Variants in SCHIP1 observed in about 807,000 individuals in gnomAD.
SCHIP1 encodes schwannomin interacting protein 1.
In SCHIP1, 8 loss-of-function variants were observed where a neutral mutation model predicts 29.7. That is an observed-to-expected ratio of 0.27 (90% CI 0.16 to 0.49). The LOEUF is 0.49. Ranked by LOEUF, SCHIP1 falls within the 20% of genes least tolerant of loss-of-function variation. The probability of loss-of-function intolerance (pLI) is 0.99; values close to 1 mark genes in which losing one functional copy is unlikely to be tolerated. For synonymous variants in SCHIP1, 76 were observed against 94.9 expected, an observed-to-expected ratio of 0.80 and a Z score of 1.16; for missense variants, 193 against 294.6, an observed-to-expected ratio of 0.66 and a Z score of 2.52.
At chr3:159,841,180 A>G (rs1224275262) in intron 1 of SCHIP1, among the ~76,000 whole-genome samples, 1 of 152,214 alleles carries the variant, frequency 6.6e-6, no homozygotes, top group Non-Finnish European at 1.5e-5. Context: ...AGATTTCACA[A>G]TGGTAAATAT....
the SCHIP1 span, among the ~76,000 whole-genome samples, chr3:159,287,646 T>C: frequency 6.6e-6 from 1 of 152,196 alleles, no homozygotes; most frequent in Non-Finnish European, 1.5e-5. Context: ...ATTTTACATA[T>C]GCTAACTCCT....
chr3:159,748,348 A>T, the SCHIP1 span, among the ~76,000 whole-genome samples: 3 of 152,254 alleles, frequency 2.0e-5, no homozygotes, highest in South Asian at 6.2e-4. Context: ...TTTATATTTC[A>T]TTGATAGTAC....
chr3:159,454,031 C>G, the SCHIP1 span, among the ~76,000 whole-genome samples: 1 of 152,224 alleles, frequency 6.6e-6, no homozygotes, highest in Non-Finnish European at 1.5e-5. Flanking sequence ...AGGTCTTTAT[C>G]TGCAGCCTGC....
chr3:159,801,835 A>C, the SCHIP1 span, among the ~76,000 whole-genome samples: 1 of 152,098 alleles, frequency 6.6e-6, no homozygotes, highest in Non-Finnish European at 1.5e-5. Context: ...GGTAGGAAAA[A>C]AACTCAGATT....
At chr3:159,348,169 A>T in the SCHIP1 span, among the ~76,000 whole-genome samples, 6 of 152,256 alleles carry the variant, frequency 3.9e-5, no homozygotes, top group South Asian at 1.2e-3. Context: ...TCCTCTTGTA[A>T]CTCAAACTTA....
the SCHIP1 span, among the ~76,000 whole-genome samples, chr3:159,550,356 T>C: frequency 6.6e-6 from 1 of 152,064 alleles, no homozygotes; most frequent in Non-Finnish European, 1.5e-5. Flanking sequence ...AAAATGCCTT[T>C]CTCCTTTTAG....
chr3:159,499,885 C>T, the SCHIP1 span, among the ~76,000 whole-genome samples: 1 of 152,172 alleles, frequency 6.6e-6, no homozygotes, highest in Non-Finnish European at 1.5e-5. Flanking sequence ...TTCCGTAGTC[C>T]GGTTTCTCAT....
At chr3:159,429,903 G>T in the SCHIP1 span, among the ~76,000 whole-genome samples, 1 of 152,152 alleles carries the variant, frequency 6.6e-6, no homozygotes, top group Non-Finnish European at 1.5e-5. Context: ...TGTCACAGTG[G>T]TTGCTCATGA....
chr3:159,407,387 A>G, the SCHIP1 span, among the ~76,000 whole-genome samples: 1 of 152,232 alleles, frequency 6.6e-6, no homozygotes, highest in African/African-American at 2.4e-5. Flanking sequence ...CAATATATAA[A>G]GCAAATGTTA....
chr3:159,690,526 T>A, the SCHIP1 span, among the ~76,000 whole-genome samples: 1 of 152,238 alleles, frequency 6.6e-6, no homozygotes, highest in African/African-American at 2.4e-5. Context: ...ATCTATTTTG[T>A]TAATCTTTTC....
the SCHIP1 span, among the ~76,000 whole-genome samples, chr3:159,510,220 A>T: frequency 4.6e-5 from 7 of 151,858 alleles, no homozygotes; most frequent in South Asian, 1.3e-3. Flanking sequence ...CATTTATTTG[A>T]TCTTCCTTCA....
At chr3:159,617,468 A>G in the SCHIP1 span, among the ~76,000 whole-genome samples, 1 of 152,188 alleles carries the variant, frequency 6.6e-6, no homozygotes, top group African/African-American at 2.4e-5. Context: ...AATAACCAGG[A>G]AAGATTGACC....
the SCHIP1 span, among the ~76,000 whole-genome samples, chr3:159,586,388 T>C: frequency 2.0e-5 from 3 of 152,050 alleles, no homozygotes; most frequent in Non-Finnish European, 4.4e-5. Flanking sequence ...GACCCAACAA[T>C]AAAAGCAAAT....
At chr3:159,367,090 T>C in the SCHIP1 span, among the ~76,000 whole-genome samples, 2 of 152,132 alleles carry the variant, frequency 1.3e-5, no homozygotes, top group Non-Finnish European at 1.5e-5. Context: ...AGGCTGGCAT[T>C]TGAAAACTCC....
chr3:159,478,593 T>C, the SCHIP1 span, among the ~76,000 whole-genome samples: 2 of 151,918 alleles, frequency 1.3e-5, no homozygotes, highest in East Asian at 1.9e-4. Context: ...TGAAGAGTTG[T>C]ATTTTCTATT....
At chr3:159,668,943 A>G in the SCHIP1 span, among the ~76,000 whole-genome samples, 1 of 152,146 alleles carries the variant, frequency 6.6e-6, no homozygotes, top group Non-Finnish European at 1.5e-5. Flanking sequence ...TCTACCTCAC[A>G]TCTGCAATTT....
chr3:159,322,459 A>C, the SCHIP1 span, among the ~76,000 whole-genome samples: 1 of 152,202 alleles, frequency 6.6e-6, no homozygotes, highest in African/African-American at 2.4e-5. Flanking sequence ...CTGCTGTCAG[A>C]GTACGAGGAA....
the SCHIP1 span, among the ~76,000 whole-genome samples, chr3:159,376,926 C>T: frequency 6.6e-6 from 1 of 152,182 alleles, no homozygotes. Flanking sequence ...TTTTAACCCT[C>T]GCTATTATAG....
chr3:159,566,159 A>C, the SCHIP1 span, among the ~76,000 whole-genome samples: 1 of 152,204 alleles, frequency 6.6e-6, no homozygotes, highest in Non-Finnish European at 1.5e-5. Flanking sequence ...GGGCTGCCTT[A>C]TATACTTGAC....
Sources: gnomAD v4.1 joint callset for allele counts (sites outside exome capture counted in the v4.1 genomes callset) on GRCh38, gnomAD v4.1.1 for gene constraint, MANE v1.5 for transcripts, NCBI Gene and HGNC (gene_info 2026-07-23, HGNC 2026-07-21) for gene names.